JARID2: variants seen among roughly 807,000 people sequenced by gnomAD.
The protein encoded by JARID2 is protein Jumonji.
In JARID2, 21 loss-of-function variants were observed where a neutral mutation model predicts 125.6. The observed-to-expected ratio is 0.17, with a 90% confidence interval of 0.12 to 0.24. JARID2 has a LOEUF of 0.24. JARID2 is among the 10% of genes least tolerant of loss of function. The pLI is 1.00. For missense variants in JARID2, 1,303 were observed against 1,639.6 expected (o/e 0.79, Z 3.55); for synonymous variants, 736 against 661.6 (o/e 1.11, Z -1.73).
chr6:15,453,395 C>A (rs1344071601), intron 4 of JARID2, among the ~76,000 whole-genome samples: 1 of 152,194 alleles, frequency 6.6e-6, no homozygotes, highest in Non-Finnish European at 1.5e-5. Context: ...TGATTACATT[C>A]TGGTTTGTGT....
chr6:15,327,536 TGTGTGTGTGTGTGTGCGC>T (rs1255873591), intron 1 of JARID2, among the ~76,000 whole-genome samples: 1 of 150,820 alleles, frequency 6.6e-6, no homozygotes, highest in East Asian at 1.9e-4. Context: ...AGAGTGTGTG[TGTGTGTGTGTGTGTGCGC>T]GTGTGTGTGC....
intron 1 of JARID2, among the ~76,000 whole-genome samples, chr6:15,338,190 C>G (rs1325386300): frequency 6.6e-6 from 1 of 152,124 alleles, no homozygotes; most frequent in Non-Finnish European, 1.5e-5. Flanking sequence ...TGAAAGGAGG[C>G]CACTCGCTTT....
rs181378551 is a variant in JARID2 at position 15,291,848 on chromosome 6, T to C, written c.45+45264T>C. The stretch of plus-strand genomic sequence containing the variant: ...TTCCATTCAAATATTTTTGTACTCC[T>C]ACTGTATATACAATTTTTGTTTTTC... On this transcript the variant is annotated intron_variant, in intron 1 of 17. Transcript: ENST00000341776. 7.2e-5 allele frequency among the ~76,000 whole-genome samples: 11 copies of C among 152,350 alleles called. No homozygotes were observed. The East Asian group carries it at 1.2e-3, about 16-fold the overall frequency.
At chr6:15,338,623 G>A (rs886505173) in intron 1 of JARID2, among the ~76,000 whole-genome samples, 3 of 152,118 alleles carry the variant, frequency 2.0e-5, no homozygotes, top group Admixed American at 1.3e-4. Flanking sequence ...GGCAAGCCCA[G>A]GAAAGTAAAG....
At chr6:15,262,426 C>T (rs955988051) in intron 1 of JARID2, among the ~76,000 whole-genome samples, 1 of 151,702 alleles carries the variant, frequency 6.6e-6, no homozygotes, top group Non-Finnish European at 1.5e-5. Context: ...TGTATCAGTA[C>T]TTCATTCCTT....
chr6:15,347,017 A>G (rs1015772124), intron 1 of JARID2, among the ~76,000 whole-genome samples: 21 of 152,280 alleles, frequency 1.4e-4, no homozygotes, highest in African/African-American at 5.1e-4. Context: ...TACAGGTGTG[A>G]GCCACCATTC....
At chr6:15,462,892 A>C (rs1023110440) in intron 4 of JARID2, among the ~76,000 whole-genome samples, 1 of 152,238 alleles carries the variant, frequency 6.6e-6, no homozygotes, top group Non-Finnish European at 1.5e-5. Context: ...TTTTGGATTA[A>C]AATGATCTCT....
At chr6:15,251,010 A>T (rs1317073013) in intron 1 of JARID2, among the ~76,000 whole-genome samples, 1 of 151,018 alleles carries the variant, frequency 6.6e-6, no homozygotes, top group Non-Finnish European at 1.5e-5. Context: ...CCTAGAGAGC[A>T]TTTGTTTTTT....
intron 1 of JARID2, among the ~76,000 whole-genome samples, chr6:15,289,480 G>A (rs1036815819): frequency 2.0e-5 from 3 of 151,938 alleles, no homozygotes; most frequent in Admixed American, 6.6e-5. Context: ...CAATCCTCCC[G>A]CTTCGGCCTC....
Position 15,521,428 on chromosome 6 carries a change from G to A in JARID2, c.*1177G>A, listed in dbSNP as rs538442809. 1 of 144,440 alleles carries A rather than the reference G, an allele frequency of 6.9e-6. No individual in the cohort carries two copies. 8.9% of individuals were successfully genotyped at this position (144,440 alleles called of 1,614,324 possible). Reference sequence around the variant, plus strand: ...CTTTTTCTCGGTGGGGGGTGGGGAGGGGGGTGAGAAGACAAGATGAAGAAA... The same window carrying A: ...CTTTTTCTCGGTGGGGGGTGGGGAGAGGGGTGAGAAGACAAGATGAAGAAA... On this transcript the variant is annotated 3_prime_UTR_variant, in exon 18 of 18. Transcript: ENST00000341776.
At chr6:15,472,758 C>G (rs1400943251) in intron 5 of JARID2, among the ~76,000 whole-genome samples, 1 of 152,148 alleles carries the variant, frequency 6.6e-6, no homozygotes, top group Non-Finnish European at 1.5e-5. Flanking sequence ...CCAGAGTCAC[C>G]AGCCATTTCC....
intron 1 of JARID2, among the ~76,000 whole-genome samples, chr6:15,305,752 C>A (rs1041994012): frequency 7.2e-5 from 11 of 152,096 alleles, no homozygotes; most frequent in Non-Finnish European, 4.4e-5. Context: ...CTTTGGAGCA[C>A]CCCTCCAATA....
At chr6:15,404,214 C>G (rs994330642) in intron 2 of JARID2, among the ~76,000 whole-genome samples, 2 of 152,086 alleles carry the variant, frequency 1.3e-5, no homozygotes, top group Non-Finnish European at 2.9e-5. Context: ...CCTGCTCGCC[C>G]CTCTCCCTGG....
At chr6:15,477,610 A>G (rs1181596960) in intron 5 of JARID2, among the ~76,000 whole-genome samples, 1 of 150,392 alleles carries the variant, frequency 6.6e-6, no homozygotes, top group East Asian at 2.0e-4. Context: ...GGTGTTCCTT[A>G]GAGGCCGTTG....
intron 1 of JARID2, among the ~76,000 whole-genome samples, chr6:15,349,713 C>A (rs973527384): frequency 6.6e-6 from 1 of 152,134 alleles, no homozygotes; most frequent in Non-Finnish European, 1.5e-5. Context: ...CCCCCACCAC[C>A]CCTTACGCTA....
At chr6:15,367,146 A>G (rs548449351) in intron 1 of JARID2, among the ~76,000 whole-genome samples, 1 of 152,320 alleles carries the variant, frequency 6.6e-6, no homozygotes, top group African/African-American at 2.4e-5. Context: ...CTACCTGTGA[A>G]GCATGAGTGT....
intron 5 of JARID2, among the ~76,000 whole-genome samples, chr6:15,471,594 C>CACA (rs1769080429): frequency 6.6e-6 from 1 of 152,172 alleles, no homozygotes; most frequent in African/African-American, 2.4e-5. Flanking sequence ...CCCATGTATA[C>CACA]TAGTGCAGTT....
chr6:15,374,276 C>G, intron 2 of JARID2, 24 bp downstream of exon 2: 1 of 1,611,084 alleles, frequency 6.2e-7, no homozygotes, highest in Non-Finnish European at 8.5e-7. Flanking sequence ...TGGAATATCT[C>G]ATTGGAATGT....
At chr6:15,369,073 C>T (rs1352950494) in intron 1 of JARID2, among the ~76,000 whole-genome samples, 1 of 151,858 alleles carries the variant, frequency 6.6e-6, no homozygotes, top group Non-Finnish European at 1.5e-5. Flanking sequence ...AGAGTTGTTA[C>T]ATGGTGTTGT....
Sources: allele counts gnomAD v4.1 joint callset (sites outside exome capture counted in the v4.1 genomes callset), GRCh38; gene constraint gnomAD v4.1.1; transcripts MANE v1.5; gene names NCBI Gene and HGNC (gene_info 2026-07-23, HGNC 2026-07-21).